Variants in THSD4 observed in about 807,000 individuals in gnomAD.
THSD4 encodes the protein thrombospondin type-1 domain-containing protein 4.
Under a neutral mutation model 119.0 loss-of-function variants are expected in THSD4, and 69 were observed. The observed-to-expected ratio is 0.58, with a 90% CI of 0.48 to 0.71. The LOEUF is 0.71. Ranked by LOEUF, THSD4 falls within the 30% of genes least tolerant of loss-of-function variation. THSD4 has a pLI of 0.00. For missense variants in THSD4, 1,393 were observed against 1,391.1 expected (o/e 1.00, Z -0.02); for synonymous variants, 524 against 540.4 (o/e 0.97, Z 0.42).
chr15:71,182,585 T>C (rs1329641668), intron 3 of THSD4, among the ~76,000 whole-genome samples: 2 of 151,822 alleles, frequency 1.3e-5, no homozygotes, highest in Non-Finnish European at 2.9e-5. Context: ...AACTTCTAAA[T>C]TCCCACTATG....
Position 71,625,622 on chromosome 15 carries a change from C to T in THSD4, c.1153-34908C>T, listed in dbSNP as rs566689960. 1.7e-3 allele frequency among the ~76,000 whole-genome samples: 255 copies of T among 152,278 alleles called. 2 individuals carry two copies. Among genetic ancestry groups the T allele is most frequent in the Non-Finnish European group, 2.7e-3 (183 of 68,014 alleles). On this transcript the variant is annotated intron_variant, in intron 7 of 17. Coordinates refer to ENST00000261862, the MANE Select transcript of THSD4 (RefSeq NM_024817.3). ...TCCATTACTCTTAGATGAAAGTGGT[C>T]CTTGTGTTTATCTTGACAAATAGCA...
At chr15:71,341,407 A>G in intron 6 of THSD4, 1 of 1,612,010 alleles carries the variant, frequency 6.2e-7, no homozygotes, top group Non-Finnish European at 8.5e-7. Flanking sequence ...CCTTAAGTTC[A>G]GCATTACTCT....
At chr15:71,183,986 G>A (rs920913891) in intron 3 of THSD4, 3 of 151,798 alleles carry the variant, frequency 2.0e-5, no homozygotes, top group East Asian at 1.9e-4. Flanking sequence ...TGGTAAATCC[G>A]CCTGCAGAGG....
intron 6 of THSD4, among the ~76,000 whole-genome samples, chr15:71,264,969 C>CT (rs1181935141): frequency 6.6e-6 from 1 of 151,990 alleles, no homozygotes; most frequent in Non-Finnish European, 1.5e-5. Flanking sequence ...GATGGGGACT[C>CT]TAAGGAACTA....
intron 17 of THSD4, among the ~76,000 whole-genome samples, chr15:71,771,913 T>C (rs1248337082): frequency 6.6e-6 from 1 of 152,084 alleles, no homozygotes; most frequent in African/African-American, 2.4e-5. Context: ...GGAGCTCAAG[T>C]ACAGCCAGAA....
chr15:71,697,615 C>T (rs879600898), intron 8 of THSD4, among the ~76,000 whole-genome samples: 1 of 152,162 alleles, frequency 6.6e-6, no homozygotes, highest in Non-Finnish European at 1.5e-5. Context: ...TGATTATGGA[C>T]ATCATAGAAA....
chr15:71,443,635 C>A (rs1041246239), intron 7 of THSD4, among the ~76,000 whole-genome samples: 1 of 152,114 alleles, frequency 6.6e-6, no homozygotes, highest in African/African-American at 2.4e-5. Context: ...CCTTCCAGGT[C>A]CCCCTGCTGG....
intron 7 of THSD4, among the ~76,000 whole-genome samples, chr15:71,561,498 T>C (rs927239214): frequency 5.3e-5 from 8 of 152,042 alleles, no homozygotes; most frequent in African/African-American, 1.9e-4. Flanking sequence ...TGAAGTAGAA[T>C]GCAAAGTGAG....
At chr15:71,447,099 T>C (rs2047192864) in intron 7 of THSD4, among the ~76,000 whole-genome samples, 3 of 144,726 alleles carry the variant, frequency 2.1e-5, no homozygotes, top group Admixed American at 7.0e-5. Flanking sequence ...TCTGTTGCCC[T>C]CTTCCCTCCA....
intron 14 of THSD4, 141 bp from the exon 15 acceptor site, chr15:71,757,761 A>G (rs1342327889): frequency 7.9e-6 from 8 of 1,011,024 alleles, no homozygotes; most frequent in African/African-American, 3.2e-5. Flanking sequence ...GGAGTAGGCT[A>G]TGCACGAGAA....
intron 7 of THSD4, among the ~76,000 whole-genome samples, chr15:71,484,385 T>C (rs34281537): frequency 0.16 from 24,793 of 152,182 alleles, 2,458 homozygotes; most frequent in East Asian, 0.31. Flanking sequence ...CATTGTTTTT[T>C]CGATTAGATA....
In THSD4 at chr15:71,724,287, A is replaced by ATATATATTT; in HGVS notation, c.1358-4261_1358-4260insATATATTTT. 2.4e-3 allele frequency among the ~76,000 whole-genome samples: 90 copies of ATATATATTT among 37,268 alleles called. 2 individuals are homozygous for ATATATATTT. Among genetic ancestry groups the ATATATATTT allele is most frequent in the Middle Eastern group, 0.04 (2 of 50 alleles). 24.4% of individuals were successfully genotyped at this position (37,268 alleles called of 152,430 possible). Reference sequence around the variant, plus strand: ...ATGGGATATATATATATATATATATATTTTTTTTTTCCCCCCAAGATGGAA... The same window carrying ATATATATTT: ...ATGGGATATATATATATATATATATATATATATTTTTTTTTTTTTCCCCCCAAGATGGAA... On this transcript the variant is annotated intron_variant, in intron 8 of 17. Coordinates refer to ENST00000261862, the MANE Select transcript of THSD4 (RefSeq NM_024817.3).
At chr15:71,316,963 G>A (rs1472217508) in intron 6 of THSD4, among the ~76,000 whole-genome samples, 1 of 152,214 alleles carries the variant, frequency 6.6e-6, no homozygotes, top group Non-Finnish European at 1.5e-5. Context: ...TGCCTTTCAA[G>A]GTTGCTTAGA....
At chr15:71,399,210 G>A (rs2046491120) in intron 6 of THSD4, among the ~76,000 whole-genome samples, 1 of 152,136 alleles carries the variant, frequency 6.6e-6, no homozygotes, top group Non-Finnish European at 1.5e-5. Flanking sequence ...CAACCATGTG[G>A]TTGTGACCAA....
chr15:71,242,506 T>A, intron 4 of THSD4, 143 bp from the exon 5 acceptor site: 1 of 835,618 alleles, frequency 1.2e-6, no homozygotes, highest in Non-Finnish European at 1.9e-6. Flanking sequence ...TAAAATGCGT[T>A]CCCCCTGCTT....
chr15:71,654,777 A>T (rs781284771), intron 7 of THSD4, among the ~76,000 whole-genome samples: 2 of 152,194 alleles, frequency 1.3e-5, no homozygotes, highest in Non-Finnish European at 2.9e-5. Flanking sequence ...CAGCATGATT[A>T]TTAAGGCACG....
intron 9 of THSD4, 185 bp downstream of exon 9, chr15:71,728,909 A>T (rs774831372): frequency 7.1e-6 from 5 of 701,278 alleles, no homozygotes; most frequent in Non-Finnish European, 1.2e-5. Context: ...GAATGGGCCC[A>T]GCTCACAGCA....
chr15:71,160,887 G>A (rs1338732455), intron 3 of THSD4, among the ~76,000 whole-genome samples: 2 of 151,454 alleles, frequency 1.3e-5, no homozygotes, highest in East Asian at 1.9e-4. Context: ...TTATTTATTA[G>A]AAATATTTCT....
At chr15:71,133,763 C>T (rs183941782) in intron 1 of THSD4, among the ~76,000 whole-genome samples, 3 of 152,254 alleles carry the variant, frequency 2.0e-5, no homozygotes, top group Admixed American at 1.3e-4. Context: ...AGTATCTTAC[C>T]CGCCTGATAT....
Sources: gnomAD v4.1 joint callset for allele counts (sites outside exome capture counted in the v4.1 genomes callset) on GRCh38, gnomAD v4.1.1 for gene constraint, MANE v1.5 for transcripts, NCBI Gene and HGNC (gene_info 2026-07-23, HGNC 2026-07-21) for gene names.